The following SLC16A12 variants were observed in gnomAD, a reference collection of about 807,000 sequenced individuals.
SLC16A12 encodes the protein monocarboxylate transporter 12.
In SLC16A12, 17 loss-of-function variants were observed where a neutral mutation model predicts 42.4. That is an observed-to-expected ratio of 0.40 (90% CI 0.27 to 0.60). The LOEUF (loss-of-function observed/expected upper bound fraction) is 0.60, where lower values mean the gene tolerates loss of function less well. Among genes scored for constraint, SLC16A12 ranks in the 20% least tolerant of loss-of-function variants. SLC16A12 has a pLI of 0.42. For missense variants in SLC16A12, 544 were observed against 623.0 expected (o/e 0.87, Z 1.35); for synonymous variants, 224 against 229.4 (o/e 0.98, Z 0.21).
intron 2 of SLC16A12, among the ~76,000 whole-genome samples, chr10:89,515,693 C>T (rs78194372): frequency 3.3e-5 from 5 of 151,976 alleles, no homozygotes; most frequent in African/African-American, 1.2e-4. Flanking sequence ...CTTGTGTTGC[C>T]CAAAGAAAAC....
At chr10:89,466,037 C>T (rs576252286) in intron 2 of SLC16A12, among the ~76,000 whole-genome samples, 136 of 152,214 alleles carry the variant, frequency 8.9e-4, no homozygotes, top group African/African-American at 3.1e-3. Flanking sequence ...TGAGCCAATA[C>T]CCAGATGGAA....
At chr10:89,439,208 G>A in intron 5 of SLC16A12, 25 bp from the exon 6 acceptor site, 4 of 1,601,398 alleles carry the variant, frequency 2.5e-6, no homozygotes, top group Non-Finnish European at 3.4e-6. Context: ...AACTCTATGA[G>A]TGCTGAAGTA....
At chr10:89,519,353 C>A (rs1843311218) in intron 2 of SLC16A12, among the ~76,000 whole-genome samples, 1 of 152,040 alleles carries the variant, frequency 6.6e-6, no homozygotes, top group Admixed American at 6.6e-5. Context: ...GCACATGTAT[C>A]CCCTAAACCT....
chr10:89,512,316 A>G (rs1157232150), intron 2 of SLC16A12, among the ~76,000 whole-genome samples: 41 of 152,180 alleles, frequency 2.7e-4, no homozygotes, highest in Admixed American at 2.7e-3. Flanking sequence ...ATCATAAGGA[A>G]TTTTAAGAAA....
rs558950123 is a variant in SLC16A12, at chr10:89,556,309, T to C, written c.-147+215A>G. 1.2e-3 allele frequency among the ~76,000 whole-genome samples: 185 copies of C among 152,054 alleles called. No individual in the cohort carries two copies. In the Middle Eastern group the frequency reaches 0.014, roughly 11 times the overall value. On this transcript the variant is annotated intron_variant, in intron 1 of 2. Coordinates refer to the SLC16A12 transcript ENST00000475682. ...AACCACTCCTGACCACTTTACTAAC[T>C]GAAACAAAAAGGGGGGAAGAAAACG... is the stretch of plus-strand genomic sequence containing the variant.
At position 89,510,404 on chromosome 10, in the gene SLC16A12, G is replaced by A. The variant is rs142418433; in HGVS notation, c.-47+24097C>T. On this transcript the variant is annotated intron_variant, in intron 2 of 7. Transcript: ENST00000371790. ...AAACAGGTATACAGACAAATGGAAC[G>A]GAACAGAGGCCTCAGAAATAACACC... Among the ~76,000 whole-genome samples, 437 of 152,086 alleles carry A rather than the reference G, an allele frequency of 2.9e-3. 2 individuals are homozygous for A. The highest frequency in any genetic ancestry group is 9.4e-3 in the African/African-American group (388 of 41,494).
chr10:89,547,910 C>T (rs1042383656), intron 2 of SLC16A12, among the ~76,000 whole-genome samples: 24 of 148,212 alleles, frequency 1.6e-4, no homozygotes, highest in African/African-American at 6.0e-4. Context: ...ATCACTTTAA[C>T]CCAGGAGGCA....
At chr10:89,473,124 AGT>A (rs1194407705) in intron 2 of SLC16A12, among the ~76,000 whole-genome samples, 5 of 134,336 alleles carry the variant, frequency 3.7e-5, no homozygotes, top group African/African-American at 1.3e-4. Flanking sequence ...TGGCCTCAGC[AGT>A]CTTTTTTTTT....
chr10:89,517,359 G>C (rs1843270688), intron 2 of SLC16A12, among the ~76,000 whole-genome samples: 1 of 152,038 alleles, frequency 6.6e-6, no homozygotes, highest in African/African-American at 2.4e-5. Context: ...CTGACACCCA[G>C]GCTGGAATGC....
chr10:89,533,913 G>A (rs190951595), intron 2 of SLC16A12, among the ~76,000 whole-genome samples: 2 of 151,958 alleles, frequency 1.3e-5, no homozygotes, highest in African/African-American at 2.4e-5. Context: ...TGCTCAAAAT[G>A]CCTAGAGGCA....
At chr10:89,539,765 A>G (rs958736013), upstream of SLC16A12, among the ~76,000 whole-genome samples, 1 of 152,202 alleles carries the variant, frequency 6.6e-6, no homozygotes, top group South Asian at 2.1e-4. Context: ...CATAAATAAG[A>G]TGCAAGTATT....
intron 2 of SLC16A12, among the ~76,000 whole-genome samples, chr10:89,506,842 G>T (rs543479681): frequency 1.3e-5 from 2 of 152,172 alleles, no homozygotes; most frequent in East Asian, 3.9e-4. Context: ...AAGGTTGGAC[G>T]AATTGCTAAC....
intron 2 of SLC16A12, among the ~76,000 whole-genome samples, chr10:89,484,100 G>A (rs1364238085): frequency 6.6e-6 from 1 of 152,160 alleles, no homozygotes; most frequent in African/African-American, 2.4e-5. Context: ...ACCAGCCTGG[G>A]CAACATAGCA....
At chr10:89,476,456 T>C (rs1211064389) in intron 2 of SLC16A12, among the ~76,000 whole-genome samples, 1 of 152,070 alleles carries the variant, frequency 6.6e-6, no homozygotes, top group Non-Finnish European at 1.5e-5. Context: ...CAGAAGAACA[T>C]AGTTCTGCAC....
At chr10:89,535,676 C>T (rs1447726090), upstream of SLC16A12, 1 of 152,200 alleles carries the variant, frequency 6.6e-6, no homozygotes, top group Non-Finnish European at 1.5e-5. Flanking sequence ...GCCCCGCCGC[C>T]TCCTCACCTC....
chr10:89,438,891 T>C lies in SLC16A12; in HGVS notation c.741A>G (p.Glu247=). The change falls in exon 6 of 8, where the codon GAA becomes GAG. Residue 247 remains glutamate (E), a synonymous_variant. Transcript: ENST00000371790. ...EQNHVCRTQK[E]DIKRVSPYSS... is the part of the protein sequence containing the mutation. ...AATAGGGAGACACCCGCTTAATGTC[T>C]TCTTTCTGAGTTCTACACACATGGT... 6.2e-7 allele frequency: 1 copy of C among 1,613,762 alleles called. No homozygotes were observed. Among genetic ancestry groups the C allele is most frequent in the Non-Finnish European group, 8.5e-7 (1 of 1,179,886 alleles).
intron 2 of SLC16A12, among the ~76,000 whole-genome samples, chr10:89,525,910 G>A (rs144559862): frequency 6.3e-4 from 96 of 152,274 alleles, no homozygotes; most frequent in African/African-American, 2.1e-3. Context: ...GTAAGAAACC[G>A]TGATATTTCT....
chr10:89,544,812 A>AG (rs1843733951), intron 2 of SLC16A12, among the ~76,000 whole-genome samples: 1 of 145,636 alleles, frequency 6.9e-6, no homozygotes, highest in East Asian at 1.9e-4. Flanking sequence ...GGTCTGTCTA[A>AG]CTCTGGGGTA....
At chr10:89,508,835 G>A (rs1294962967) in intron 2 of SLC16A12, among the ~76,000 whole-genome samples, 3 of 152,016 alleles carry the variant, frequency 2.0e-5, no homozygotes, top group Non-Finnish European at 4.4e-5. Context: ...CTGCTAGCCA[G>A]ACTAATAAAG....
Sources: allele counts gnomAD v4.1 joint callset (sites outside exome capture counted in the v4.1 genomes callset), GRCh38; gene constraint gnomAD v4.1.1; transcripts MANE v1.5; gene names NCBI Gene and HGNC (gene_info 2026-07-23, HGNC 2026-07-21).